Variants in AGK observed in about 807,000 individuals in gnomAD.
The protein encoded by AGK is acylglycerol kinase, mitochondrial.
Under a neutral mutation model 66.4 loss-of-function variants are expected in AGK, and 52 were observed. The observed-to-expected ratio is 0.78, with a 90% CI of 0.63 to 0.99. The LOEUF is 0.99. AGK is among the 50% of genes least tolerant of loss of function. AGK has a pLI of 0.00. For synonymous variants in AGK, 182 were observed against 181.1 expected (o/e 1.00, Z -0.04); for missense variants, 451 against 506.6 (o/e 0.89, Z 1.05).
Position 141,555,027 on chromosome 7 carries a change from T to G in AGK, c.-14-426T>G, listed in dbSNP as rs931181329. ...ACTCGCCCTTCATATTATTATTTTTTGGGACACTTACATTATGATGGATAG... is the reference window on the plus strand; with the variant it reads ...ACTCGCCCTTCATATTATTATTTTTGGGGACACTTACATTATGATGGATAG... On this transcript the variant is annotated intron_variant, in intron 1 of 15. Transcript: ENST00000649286. The surrounding 1 kb of genome is among the most constrained non-coding windows in gnomAD (Gnocchi z 4.2). Among the ~76,000 whole-genome samples the G allele has an allele frequency of 6.6e-6, 1 of 152,186 alleles. No homozygotes were observed. Among genetic ancestry groups the G allele is most frequent in the Non-Finnish European group, 1.5e-5 (1 of 68,034 alleles).
intron 2 of AGK, among the ~76,000 whole-genome samples, chr7:141,574,523 C>G (rs1795689535): frequency 6.6e-6 from 1 of 152,192 alleles, no homozygotes; most frequent in Admixed American, 6.5e-5. Flanking sequence ...GCTATGAAGA[C>G]AGGCTTCCTC....
intron 9 of AGK, among the ~76,000 whole-genome samples, chr7:141,631,136 TTAAA>T (rs1797047064): frequency 6.6e-6 from 1 of 152,196 alleles, no homozygotes; most frequent in Non-Finnish European, 1.5e-5. Context: ...CATTTTATGA[TTAAA>T]TATAGTAATT....
chr7:141,642,836 GAGTAGTTGTGAC>G (rs1483538312), intron 13 of AGK, among the ~76,000 whole-genome samples: 2 of 152,180 alleles, frequency 1.3e-5, no homozygotes, highest in African/African-American at 4.8e-5. Context: ...GGGGAGAGCT[GAGTAGTTGTGAC>G]AGATTGTATG....
rs190720576 is a variant in AGK at position 141,640,245 on chromosome 7, A to G, written c.727-1003A>G. Among the ~76,000 whole-genome samples, 769 of 152,304 alleles carry G rather than the reference A, an allele frequency of 5.0e-3. 9 individuals carry two copies. Among genetic ancestry groups the G allele is most frequent in the African/African-American group, 0.018 (728 of 41,568 alleles). On this transcript the variant is annotated intron_variant, in intron 11 of 15. Transcript: ENST00000649286. ...CCTAATACTGTGAACAAAGGTGTCCATTGAAACAGCTCCTTCAGGGCAGAG... is the reference window on the plus strand; with the variant it reads ...CCTAATACTGTGAACAAAGGTGTCCGTTGAAACAGCTCCTTCAGGGCAGAG...
chr7:141,642,355 C>T (rs1562984186), intron 13 of AGK, among the ~76,000 whole-genome samples: 1 of 152,146 alleles, frequency 6.6e-6, no homozygotes, highest in Non-Finnish European at 1.5e-5. Flanking sequence ...TTTATTTAGG[C>T]CCAATCTATA....
chr7:141,651,829 T>G (rs183212603), intron 15 of AGK, among the ~76,000 whole-genome samples: 2 of 152,338 alleles, frequency 1.3e-5, no homozygotes, highest in Admixed American at 1.3e-4. Flanking sequence ...TTCTGAAGAC[T>G]CCCATCGTTT....
intron 13 of AGK, among the ~76,000 whole-genome samples, chr7:141,645,064 A>G (rs1797380405): frequency 6.6e-6 from 1 of 152,048 alleles, no homozygotes; most frequent in East Asian, 1.9e-4. Context: ...AATATTTTAG[A>G]ATGTTTATTT....
chr7:141,606,065 G>A (rs1365548382), intron 5 of AGK, among the ~76,000 whole-genome samples: 1 of 152,176 alleles, frequency 6.6e-6, no homozygotes, highest in Admixed American at 6.5e-5. Flanking sequence ...AGTGGAGTCT[G>A]TCTGTATTTA....
chr7:141,617,399 T>C (rs894593571), intron 8 of AGK, among the ~76,000 whole-genome samples: 2 of 152,196 alleles, frequency 1.3e-5, no homozygotes, highest in African/African-American at 2.4e-5. Flanking sequence ...TTTATAAAAC[T>C]TAATTTATAA....
In AGK at chr7:141,614,151, T is replaced by TA; in HGVS notation, c.397dup (p.Thr133AsnfsTer9). 4 of 1,534,834 alleles carry TA rather than the reference T, an allele frequency of 2.6e-6. No homozygotes were observed. Among genetic ancestry groups the TA allele is most frequent in the Non-Finnish European group, 3.6e-6 (4 of 1,126,142 alleles). ...TTTTATTATTACATTTGTAGGTTGTTACTGGTGTTCTTCGACGAACAGATG... is the reference window on the plus strand; with the variant it reads ...TTTTATTATTACATTTGTAGGTTGTTAACTGGTGTTCTTCGACGAACAGATG... On this transcript the variant is annotated frameshift_variant, in exon 7 of 16. Coordinates refer to ENST00000649286, the MANE Select transcript of AGK (RefSeq NM_018238.4). LOFTEE classifies it high-confidence loss of function.
At chr7:141,601,714 T>C (rs1796347694) in intron 5 of AGK, among the ~76,000 whole-genome samples, 1 of 152,176 alleles carries the variant, frequency 6.6e-6, no homozygotes, top group East Asian at 1.9e-4. Context: ...ATTTGTGAGA[T>C]TTAGTTAAGA....
chr7:141,618,890 G>A (rs528637726), intron 8 of AGK, among the ~76,000 whole-genome samples: 4 of 152,116 alleles, frequency 2.6e-5, no homozygotes, highest in South Asian at 4.1e-4. Context: ...AATAATTACC[G>A]TATTTATTTT....
chr7:141,602,711 T>A (rs1796372890), intron 5 of AGK, among the ~76,000 whole-genome samples: 1 of 152,046 alleles, frequency 6.6e-6, no homozygotes, highest in Admixed American at 6.5e-5. Flanking sequence ...TTCTACTTTT[T>A]AAAAAAATTT....
chr7:141,577,845 G>A (rs1174467157), intron 2 of AGK, among the ~76,000 whole-genome samples: 1 of 146,422 alleles, frequency 6.8e-6, no homozygotes, highest in African/African-American at 2.5e-5. Context: ...TTGAAACAGA[G>A]CCTCACTCTG....
intron 15 of AGK, 68 bp from the exon 16 acceptor site, chr7:141,652,719 T>C: frequency 6.5e-7 from 1 of 1,527,420 alleles, no homozygotes; most frequent in Non-Finnish European, 9.0e-7. Context: ...CTGGTGCTGC[T>C]GTGAGACCTC....
chr7:141,622,093 C>CTT (rs879346055), intron 9 of AGK, among the ~76,000 whole-genome samples: 5 of 141,704 alleles, frequency 3.5e-5, no homozygotes, highest in Non-Finnish European at 4.6e-5. Flanking sequence ...CACTTAGCTA[C>CTT]TTTTTTTTTT....
intron 2 of AGK, among the ~76,000 whole-genome samples, chr7:141,578,085 C>T (rs189734226): frequency 1.3e-4 from 20 of 152,200 alleles, no homozygotes; most frequent in East Asian, 7.7e-4. Context: ...GTATCACGCG[C>T]GTCCATGTGA....
Position 141,654,021 on chromosome 7 carries a change from G to GTATT in AGK, c.*1099_*1102dup, listed in dbSNP as rs1286900874. On this transcript the variant is annotated 3_prime_UTR_variant, in exon 16 of 16. Transcript: ENST00000649286. ...ATTTCAAATTGGCTTTTCTCCTTCTGTATTTCCATACCACTTTTCAGCCAA... is the reference window on the plus strand; with the variant it reads ...ATTTCAAATTGGCTTTTCTCCTTCTGTATTTATTTCCATACCACTTTTCAGCCAA... 1 of 151,804 alleles carries GTATT rather than the reference G, an allele frequency of 6.6e-6. No individual in the cohort carries two copies. The highest frequency in any genetic ancestry group is 1.5e-5 in the Non-Finnish European group (1 of 67,970). 9.4% of individuals were successfully genotyped at this position (151,804 alleles called of 1,614,324 possible). A position where few individuals can be genotyped will look rare whatever the true frequency, so the allele number is the denominator to read the frequency against.
rs1215204422 is a variant in AGK at position 141,594,449 on chromosome 7, C to T, written c.141+1264C>T. ...CTCGTGTTCCACCTGCCTTGGTCTC[C>T]CAAAGTGCTGGGATTACAGGTGTGA... On this transcript the variant is annotated intron_variant, in intron 3 of 15. Transcript: ENST00000649286. Among the ~76,000 whole-genome samples, 3 of 152,080 alleles carry T rather than the reference C, an allele frequency of 2.0e-5. No homozygotes were observed. The East Asian group carries it at 5.8e-4, about 29-fold the overall frequency.
Sources: allele counts gnomAD v4.1 joint callset (sites outside exome capture counted in the v4.1 genomes callset), GRCh38; gene constraint gnomAD v4.1.1; non-coding constraint Gnocchi (gnomAD v3.1); transcripts MANE v1.5; gene names NCBI Gene and HGNC (gene_info 2026-07-23, HGNC 2026-07-21).